HSD17B14: variants seen among roughly 807,000 people sequenced by gnomAD.
HSD17B14 encodes hydroxysteroid 17-beta dehydrogenase 14, also known as L-fucose dehydrogenase.
HSD17B14 carries 32 observed loss-of-function variants against 32.2 expected under a neutral mutation model. The ratio of observed to expected loss-of-function variants is 0.99; its 90% confidence interval spans 0.75 to 1.33. HSD17B14 has a LOEUF of 1.33. Ranked by LOEUF, HSD17B14 falls within the 40% of genes most tolerant of loss-of-function variation. The pLI is 0.00. For synonymous variants in HSD17B14, 140 were observed against 155.4 expected (o/e 0.90, Z 0.74); for missense variants, 370 against 366.5 (o/e 1.01, Z -0.08).
intron 3 of HSD17B14, among the ~76,000 whole-genome samples, chr19:48,833,938 C>G (rs554208840): frequency 6.6e-6 from 1 of 151,742 alleles, no homozygotes; most frequent in Non-Finnish European, 1.5e-5. Context: ...TGCAGTGAGC[C>G]GAGATCACAC....
intron 5 of HSD17B14, among the ~76,000 whole-genome samples, chr19:48,830,085 C>A (rs1238003963): frequency 6.6e-6 from 1 of 152,138 alleles, no homozygotes; most frequent in Non-Finnish European, 1.5e-5. Context: ...GATACCCTAA[C>A]CTTGTTTTAA....
rs1011831924 is a variant in HSD17B14, at chr19:48,813,365, G to C, written c.640-17C>G. 6 of 1,562,352 alleles carry C rather than the reference G, an allele frequency of 3.8e-6. No homozygotes were observed. In the East Asian group the frequency reaches 7.1e-5, roughly 18 times the overall value. On this transcript the variant is annotated splice_polypyrimidine_tract_variant and intron_variant, in intron 8 of 8. Transcript: ENST00000263278. The stretch of plus-strand genomic sequence containing the variant: ...GCCCAGTGGCTGGGGAGAAAAGAGG[G>C]GGGAAGGAGGTCAAGAGGAGCCCCA...
At chr19:48,814,117 C>T (rs537630599) in intron 6 of HSD17B14, among the ~76,000 whole-genome samples, 1 of 151,878 alleles carries the variant, frequency 6.6e-6, no homozygotes, top group African/African-American at 2.4e-5. Context: ...ATCGCTTGAA[C>T]CCATGAGGCA....
At chr19:48,813,844 G>C in intron 6 of HSD17B14, 114 bp from the exon 7 acceptor site, 4 of 1,145,390 alleles carry the variant, frequency 3.5e-6, no homozygotes, top group Non-Finnish European at 5.2e-6. Flanking sequence ...TGCCCTCCTT[G>C]AAGGCTGCCT....
intron 2 of HSD17B14, 61 bp from the exon 3 acceptor site, chr19:48,834,419 A>G (rs529048022): frequency 0.039 from 37,612 of 973,294 alleles, 1,355 homozygotes; most frequent in South Asian, 0.049. Flanking sequence ...GGGGTTGGGG[A>G]CTTGGACTCC....
rs1448712350 is a variant in HSD17B14 at position 48,834,638 on chromosome 19, G to C, written c.128-280C>G. Among the ~76,000 whole-genome samples, 2 of 53,178 alleles carry C rather than the reference G, an allele frequency of 3.8e-5. 1 individual carries two copies. Among genetic ancestry groups the C allele is most frequent in the Non-Finnish European group, 6.2e-5 (2 of 32,130 alleles). The allele number at this position is 53,178 out of a possible 152,430, so 34.9% of individuals were successfully genotyped here. ...CTGGGTCTGAGGGAGGAAGGGCTGG[G>C]AGCCTGGACTCCTGGGTCCGAGGAA... On this transcript the variant is annotated intron_variant, in intron 2 of 8. Coordinates refer to ENST00000263278, the MANE Select transcript of HSD17B14 (RefSeq NM_016246.3).
intron 2 of HSD17B14, among the ~76,000 whole-genome samples, chr19:48,834,784 G>C (rs1337127939): frequency 1.8e-5 from 2 of 110,182 alleles, no homozygotes; most frequent in African/African-American, 7.5e-5. Context: ...AGGAGGGGCT[G>C]GGAGCCTGGA....
At chr19:48,828,550 C>T (rs1476409644) in intron 5 of HSD17B14, among the ~76,000 whole-genome samples, 1 of 151,992 alleles carries the variant, frequency 6.6e-6, no homozygotes, top group Admixed American at 6.6e-5. Flanking sequence ...CCCAGGGGTT[C>T]GAGGCTGCTG....
chr19:48,823,207 A>AC (rs56318119), intron 5 of HSD17B14, among the ~76,000 whole-genome samples: 21,541 of 152,134 alleles, frequency 0.14, 2,037 homozygotes, highest in Non-Finnish European at 0.21. Flanking sequence ...TATGTAAAAA[A>AC]GGCCTGAGCC....
At chr19:48,814,075 A>G (rs2122730447) in intron 6 of HSD17B14, among the ~76,000 whole-genome samples, 1 of 152,094 alleles carries the variant, frequency 6.6e-6, no homozygotes, top group Admixed American at 6.6e-5. Flanking sequence ...CACGCCTGTA[A>G]TCCCAGCTAC....
intron 5 of HSD17B14, among the ~76,000 whole-genome samples, chr19:48,831,339 A>G (rs1252596628): frequency 6.6e-6 from 1 of 152,200 alleles, no homozygotes. Context: ...TAATCCCAGC[A>G]CTTTGGAAGG....
chr19:48,831,012 T>C (rs2035327659), intron 5 of HSD17B14, among the ~76,000 whole-genome samples: 1 of 151,890 alleles, frequency 6.6e-6, no homozygotes, highest in African/African-American at 2.4e-5. Context: ...TTTTAAACTT[T>C]TTGTAGAGAT....
intron 2 of HSD17B14, among the ~76,000 whole-genome samples, chr19:48,834,818 G>A (rs1483842674): frequency 1.1e-5 from 1 of 89,682 alleles, no homozygotes. Context: ...GGGAGGAGGG[G>A]CTGGGGGCCT....
At chr19:48,813,847 G>T in intron 6 of HSD17B14, 117 bp from the exon 7 acceptor site, 1 of 1,133,240 alleles carries the variant, frequency 8.8e-7, no homozygotes, top group Non-Finnish European at 1.3e-6. Flanking sequence ...CCTCCTTGAA[G>T]GCTGCCTTCA....
In HSD17B14 at chr19:48,834,368, G is replaced by A; in HGVS notation, c.128-10C>T. ...GCCCGGCCCCCAGACTCTGCAGGGA[G>A]AGAAGAGCTGGGAGCCTGGACCCCT... On this transcript the variant is annotated splice_polypyrimidine_tract_variant and intron_variant, in intron 2 of 8. Coordinates refer to ENST00000263278, the MANE Select transcript of HSD17B14 (RefSeq NM_016246.3). The A allele has an allele frequency of 6.2e-7, 1 of 1,606,978 alleles. No individual in the cohort carries two copies. The highest frequency in any genetic ancestry group is 8.5e-7 in the Non-Finnish European group (1 of 1,174,920).
At chr19:48,816,018 T>G (rs2035044187) in intron 5 of HSD17B14, among the ~76,000 whole-genome samples, 1 of 135,020 alleles carries the variant, frequency 7.4e-6, no homozygotes, top group African/African-American at 3.0e-5. Flanking sequence ...AAGACTCCGT[T>G]TCAGAAAAAA....
chr19:48,833,774 C>T lies in HSD17B14; in HGVS notation c.210+502G>A, dbSNP rs562337841. On this transcript the variant is annotated intron_variant, in intron 3 of 8. Transcript: ENST00000263278. ...CTGGGAGGCAGAGGTTGCGGTGAGC[C>T]GAGATCACACCATTGCACTCCAGCC... 1.9e-4 allele frequency among the ~76,000 whole-genome samples: 29 copies of T among 151,042 alleles called. 2 individuals carry two copies. The highest frequency in any genetic ancestry group is 1.5e-3 in the South Asian group (7 of 4,752).
At chr19:48,826,528 A>AAAATATATATAT (rs777368104) in intron 5 of HSD17B14, among the ~76,000 whole-genome samples, 22 of 23,096 alleles carry the variant, frequency 9.5e-4, no homozygotes, top group African/African-American at 2.3e-3. Context: ...AAAAGAAGAA[A>AAAATATATATAT]ATATATATAT....
intron 5 of HSD17B14, among the ~76,000 whole-genome samples, chr19:48,820,046 T>A (rs927638766): frequency 1.3e-5 from 2 of 152,056 alleles, no homozygotes; most frequent in African/African-American, 4.8e-5. Context: ...GGTCCCAGGT[T>A]TTCGGGAGGC....
Sources: allele counts gnomAD v4.1 joint callset (sites outside exome capture counted in the v4.1 genomes callset), GRCh38; gene constraint gnomAD v4.1.1; transcripts MANE v1.5; gene names NCBI Gene and HGNC (gene_info 2026-07-23, HGNC 2026-07-21).